RCOR3: variants seen among roughly 807,000 people sequenced by gnomAD.
RCOR3 encodes REST corepressor 3.
Under a neutral mutation model 64.1 loss-of-function variants are expected in RCOR3, and 13 were observed. The ratio of observed to expected loss-of-function variants is 0.20; its 90% confidence interval spans 0.13 to 0.32. The LOEUF is 0.32. RCOR3 is among the 10% of genes least tolerant of loss of function. RCOR3 has a pLI of 1.00. For synonymous variants in RCOR3, 215 were observed against 239.0 expected (o/e 0.90, Z 0.93); for missense variants, 489 against 701.2 (o/e 0.70, Z 3.42).
rs756643084 is a variant in RCOR3, at chr1:211,268,369, C to CTTT, written c.224-2838_224-2836dup. ...AGATATATCAAAGTTTCTTTTCTTT[C>CTTT]TTTTTTTTTTTTTTTTTTTTTTTTT... On this transcript the variant is annotated intron_variant, in intron 2 of 11. Coordinates refer to ENST00000419091, the MANE Select transcript of RCOR3 (RefSeq NM_001136223.3). Among the ~76,000 whole-genome samples, 7 of 79,354 alleles carry CTTT rather than the reference C, an allele frequency of 8.8e-5. 1 individual carries two copies. Among genetic ancestry groups the CTTT allele is most frequent in the African/African-American group, 1.8e-4 (4 of 22,756 alleles). 52.1% of individuals were successfully genotyped at this position (79,354 alleles called of 152,430 possible). A position where few individuals can be genotyped will look rare whatever the true frequency, so the allele number is the denominator to read the frequency against.
At chr1:211,266,282 A>G (rs1695179792) in intron 2 of RCOR3, among the ~76,000 whole-genome samples, 1 of 152,116 alleles carries the variant, frequency 6.6e-6, no homozygotes, top group Non-Finnish European at 1.5e-5. Flanking sequence ...TATATAGTAT[A>G]TTTGTTCCAT....
chr1:211,308,197 G>T (rs911091048), intron 10 of RCOR3, among the ~76,000 whole-genome samples: 1 of 152,090 alleles, frequency 6.6e-6, no homozygotes, highest in Non-Finnish European at 1.5e-5. Context: ...CCATAAGAAC[G>T]GAGGTTCAAA....
intron 6 of RCOR3, among the ~76,000 whole-genome samples, chr1:211,278,649 T>G (rs1424057671): frequency 6.6e-6 from 1 of 152,198 alleles, no homozygotes; most frequent in African/African-American, 2.4e-5. Context: ...TCAATTTGTA[T>G]GTGTTCCCAT....
chr1:211,313,044 G>A lies in RCOR3; in HGVS notation c.1317+83G>A. The A allele has an allele frequency of 6.3e-7, 1 of 1,599,276 alleles. No homozygotes were observed. Among genetic ancestry groups the A allele is most frequent in the Non-Finnish European group, 8.5e-7 (1 of 1,171,706 alleles). ...GTATTCTGTAAGGTTAATTTGTCAA[G>A]AGGACTAGCTAAATTGAGCATGAAA... On this transcript the variant is annotated intron_variant, in intron 11 of 11. Coordinates refer to ENST00000419091, the MANE Select transcript of RCOR3 (RefSeq NM_001136223.3). The surrounding 1 kb of genome is among the most constrained non-coding windows in gnomAD (Gnocchi z 4.7).
At chr1:211,264,882 C>T (rs1044215043) in intron 2 of RCOR3, among the ~76,000 whole-genome samples, 3 of 152,072 alleles carry the variant, frequency 2.0e-5, no homozygotes, top group African/African-American at 7.2e-5. Context: ...TTATTTAGTG[C>T]CTACTAACTG....
rs1297181434 is a variant in RCOR3, at chr1:211,312,046, T to C, written c.1076-674T>C. ...TCTTTAAGCTATCATCTTTCATCCA[T>C]TCAGTCTTTAAAACTACTAGATGAG... On this transcript the variant is annotated intron_variant, in intron 10 of 11. Coordinates refer to ENST00000419091, the MANE Select transcript of RCOR3 (RefSeq NM_001136223.3). This position sits in a 1 kb window ranked among gnomAD's most constrained non-coding sequence, Gnocchi z 5.0. Among the ~76,000 whole-genome samples, 2 of 152,168 alleles carry C rather than the reference T, an allele frequency of 1.3e-5. No individual in the cohort carries two copies. Among genetic ancestry groups the C allele is most frequent in the African/African-American group, 4.8e-5 (2 of 41,462 alleles).
intron 6 of RCOR3, among the ~76,000 whole-genome samples, chr1:211,279,014 C>G (rs1697398892): frequency 6.6e-6 from 1 of 151,996 alleles, no homozygotes; most frequent in East Asian, 1.9e-4. Flanking sequence ...TGGTGAAACC[C>G]CGTCTCTACT....
intron 5 of RCOR3, among the ~76,000 whole-genome samples, 197 bp from the exon 6 acceptor site, chr1:211,277,920 T>G (rs762307933): frequency 4.6e-4 from 70 of 152,286 alleles, no homozygotes; most frequent in African/African-American, 1.7e-3. Flanking sequence ...CCAGAACAAA[T>G]AGGAATATTC....
chr1:211,290,028 G>A (rs1229190647), intron 8 of RCOR3, among the ~76,000 whole-genome samples: 1 of 152,180 alleles, frequency 6.6e-6, no homozygotes, highest in Non-Finnish European at 1.5e-5. Context: ...TATATGGTAA[G>A]TGCTTAAAAC....
Position 211,312,868 on chromosome 1 carries a change from C to T in RCOR3, c.1224C>T (p.Thr408=). The part of the protein sequence containing the change: ...VLQEWEAEQG[T]QASNGDASTL... ...AGGAGTGGGAAGCAGAACAAGGAAC[C>T]CAGGCTTCTAATGGTGATGCTTCTA... Residue 408 remains threonine (T), a synonymous_variant, in exon 11 of 12, where the codon ACC becomes ACT. Coordinates refer to ENST00000419091, the MANE Select transcript of RCOR3 (RefSeq NM_001136223.3). This position sits in a 1 kb window ranked among gnomAD's most constrained non-coding sequence, Gnocchi z 5.0. The T allele has an allele frequency of 6.2e-7, 1 of 1,614,100 alleles. No homozygotes were observed. The highest frequency in any genetic ancestry group is 1.7e-5 in the Admixed American group (1 of 60,006).
intron 2 of RCOR3, among the ~76,000 whole-genome samples, chr1:211,264,560 C>G (rs2102428416): frequency 6.6e-6 from 1 of 152,260 alleles, no homozygotes; most frequent in Non-Finnish European, 1.5e-5. Context: ...CATACCACAT[C>G]TGTACTTCCA....
At chr1:211,299,872 T>C (rs2102624814) in intron 9 of RCOR3, among the ~76,000 whole-genome samples, 1 of 152,240 alleles carries the variant, frequency 6.6e-6, no homozygotes, top group East Asian at 1.9e-4. Context: ...ATATTCTAGT[T>C]CTTTCTTTAA....
chr1:211,279,359 C>G, intron 7 of RCOR3, 43 bp downstream of exon 7: 1 of 1,423,416 alleles, frequency 7.0e-7, no homozygotes, highest in Non-Finnish European at 9.9e-7. Flanking sequence ...TTCTACAAAT[C>G]TGCTGAAAAA....
Position 211,274,092 on chromosome 1 carries a change from G to T in RCOR3, c.302-118G>T, listed in dbSNP as rs893777251. On this transcript the variant is annotated intron_variant, in intron 3 of 11. Coordinates refer to ENST00000419091, the MANE Select transcript of RCOR3 (RefSeq NM_001136223.3). ...TAACATTTCATGGGAGGTGCCTTTG[G>T]CTTTTTTTTTTACCCTGGAATATAA... is the stretch of plus-strand genomic sequence containing the variant. 1.5e-5 allele frequency: 7 copies of T among 481,858 alleles called. No homozygotes were observed. The Admixed American group carries it at 2.0e-4, about 14-fold the overall frequency. The allele number at this position is 481,858 out of a possible 1,614,324, so 29.8% of individuals were successfully genotyped here. A position where few individuals can be genotyped will look rare whatever the true frequency, so the allele number is the denominator to read the frequency against.
intron 3 of RCOR3, among the ~76,000 whole-genome samples, chr1:211,272,586 T>G (rs1157302077): frequency 7.0e-6 from 1 of 142,124 alleles, no homozygotes; most frequent in Non-Finnish European, 1.5e-5. Context: ...AGTTAGAGGC[T>G]TCAAGGGTGG....
At position 211,259,479 on chromosome 1, in the gene RCOR3, T is replaced by C; in HGVS notation, c.-82T>C. ...CGTCTCCTCCTCCTCCTCCTTTCCC[T>C]CCCGCCCGCGCTCTAAGCCATCTCC... On this transcript the variant is annotated 5_prime_UTR_variant, in exon 1 of 12. Transcript: ENST00000419091. 1 of 1,397,352 alleles carries C rather than the reference T, an allele frequency of 7.2e-7. No individual in the cohort carries two copies. Among genetic ancestry groups the C allele is most frequent in the Non-Finnish European group, 9.7e-7 (1 of 1,035,902 alleles). 86.6% of individuals were successfully genotyped at this position (1,397,352 alleles called of 1,614,324 possible).
At chr1:211,291,435 C>T (rs925468985) in intron 8 of RCOR3, 1 of 385,736 alleles carries the variant, frequency 2.6e-6, no homozygotes, top group Non-Finnish European at 5.0e-6. Flanking sequence ...ATCCCAAAAT[C>T]CCCTGAAATT....
chr1:211,259,695 C>G lies in RCOR3; in HGVS notation c.135C>G (p.Pro45=), dbSNP rs991813723. The G allele has an allele frequency of 5.9e-6, 9 of 1,532,374 alleles. No individual in the cohort carries two copies. The highest frequency in any genetic ancestry group is 2.5e-5 in the East Asian group (1 of 39,636). The allele number at this position is 1,532,374 out of a possible 1,614,324, so 94.9% of individuals were successfully genotyped here. A position where few individuals can be genotyped will look rare whatever the true frequency, so the allele number is the denominator to read the frequency against. ...STNGGLHYSE[P]ESGCSSDDEH... ...ACGGCGGGCTGCACTACTCAGAGCC[C>G]GAGAGCGGCTGCAGCAGCGACGACG... The change falls in exon 1 of 12, where the codon CCC becomes CCG. Residue 45 remains proline (P), a synonymous_variant. Coordinates refer to ENST00000419091, the MANE Select transcript of RCOR3 (RefSeq NM_001136223.3).
At chr1:211,307,170 T>A (rs1343473841) in intron 10 of RCOR3, among the ~76,000 whole-genome samples, 1 of 152,188 alleles carries the variant, frequency 6.6e-6, no homozygotes, top group African/African-American at 2.4e-5. Flanking sequence ...GATATTCATA[T>A]GATAAACAGA....
Sources: gnomAD v4.1 joint callset for allele counts (sites outside exome capture counted in the v4.1 genomes callset) on GRCh38, gnomAD v4.1.1 for gene constraint, Gnocchi (gnomAD v3.1) non-coding constraint, MANE v1.5 for transcripts, NCBI Gene and HGNC (gene_info 2026-07-23, HGNC 2026-07-21) for gene names.